CACNB2: variants seen among roughly 807,000 people sequenced by gnomAD.
The protein encoded by CACNB2 is calcium voltage-gated channel auxiliary subunit beta 2, also known as voltage-dependent L-type calcium channel subunit beta-2.
Under a neutral mutation model 73.3 loss-of-function variants are expected in CACNB2, and 42 were observed. The observed-to-expected ratio is 0.57, with a 90% CI of 0.45 to 0.74. The LOEUF (loss-of-function observed/expected upper bound fraction) is 0.74. CACNB2 is among the 30% of genes least tolerant of loss of function. The pLI is 0.00. For synonymous variants in CACNB2, 348 were observed against 310.3 expected, an observed-to-expected ratio of 1.12 and a Z score of -1.28; for missense variants, 940 against 853.0, an observed-to-expected ratio of 1.10 and a Z score of -1.27.
intron 2 of CACNB2, among the ~76,000 whole-genome samples, chr10:18,173,863 A>T (rs1428056112): frequency 1.3e-5 from 2 of 152,130 alleles, no homozygotes. Context: ...AAATGTTTAG[A>T]TTTTACGTTT....
chr10:18,346,751 C>A (rs866859732), intron 2 of CACNB2, among the ~76,000 whole-genome samples: 24 of 152,060 alleles, frequency 1.6e-4, no homozygotes, highest in African/African-American at 5.6e-4. Flanking sequence ...CATGTGCCAC[C>A]GCGCCTGGCT....
chr10:18,410,502 T>G (rs567762557), intron 3 of CACNB2, among the ~76,000 whole-genome samples: 26 of 134,268 alleles, frequency 1.9e-4, no homozygotes, highest in African/African-American at 8.9e-4. Context: ...CTGAAGATAG[T>G]TTATTTCAAA....
intron 2 of CACNB2, among the ~76,000 whole-genome samples, chr10:18,349,903 C>T (rs1050236638): frequency 1.2e-4 from 19 of 152,066 alleles, no homozygotes; most frequent in East Asian, 7.7e-4. Context: ...GTATTGCGCA[C>T]GTATGTTGCA....
intron 2 of CACNB2, among the ~76,000 whole-genome samples, chr10:18,262,785 T>C (rs192175588): frequency 4.6e-5 from 7 of 152,344 alleles, no homozygotes; most frequent in African/African-American, 9.6e-5. Context: ...TGTGTGCCTA[T>C]TGAATACAAA....
Position 18,140,808 on chromosome 10 carries a change from A to C in CACNB2, c.72A>C (p.Glu24Asp). 2 of 1,604,446 alleles carry C rather than the reference A, an allele frequency of 1.2e-6. No homozygotes were observed. The highest frequency in any genetic ancestry group is 1.7e-6 in the Non-Finnish European group (2 of 1,176,988). The change falls in exon 1 of 14, where the codon GAA becomes GAC. Residue 24 changes from glutamate (E) to aspartate (D), a missense_variant. Physicochemically the swap from Glu to Asp is conservative, Grantham distance 45. Transcript: ENST00000324631. ...AAAVAQEIQM[E>D]LLENVAPAGA... is the part of the protein sequence containing the mutation. ...CGGTGGCGCAGGAGATCCAGATGGA[A>C]CTGCTAGAGAACGTGGCTCCCGCGG...
At chr10:18,528,632 T>C (rs1362847252) in intron 10 of CACNB2, among the ~76,000 whole-genome samples, 2 of 152,214 alleles carry the variant, frequency 1.3e-5, no homozygotes, top group Non-Finnish European at 2.9e-5. Flanking sequence ...CTTTATATGT[T>C]AGCAATGAGC....
At chr10:18,528,296 G>A (rs2052675030) in intron 10 of CACNB2, among the ~76,000 whole-genome samples, 1 of 151,904 alleles carries the variant, frequency 6.6e-6, no homozygotes, top group African/African-American at 2.4e-5. Context: ...GAGTTATTGT[G>A]TTTACAGAGA....
At chr10:18,416,694 C>G (rs1564525050) in intron 3 of CACNB2, among the ~76,000 whole-genome samples, 2 of 152,132 alleles carry the variant, frequency 1.3e-5, no homozygotes, top group Non-Finnish European at 1.5e-5. Flanking sequence ...AAATCTTCAA[C>G]TTTTTTTCAA....
At chr10:18,382,005 C>G (rs117282185) in intron 2 of CACNB2, among the ~76,000 whole-genome samples, 4 of 151,976 alleles carry the variant, frequency 2.6e-5, no homozygotes, top group Non-Finnish European at 5.9e-5. Context: ...AAGGATTGAA[C>G]TTACATTAGA....
chr10:18,498,278 T>C (rs1473472150), intron 3 of CACNB2, 77 bp from the exon 4 acceptor site: 17 of 1,546,066 alleles, frequency 1.1e-5, no homozygotes, highest in Middle Eastern at 1.7e-4. Flanking sequence ...ATTCAGTATG[T>C]CTTTGTGTTT....
intron 3 of CACNB2, among the ~76,000 whole-genome samples, chr10:18,495,273 G>A (rs951546818): frequency 6.6e-5 from 10 of 150,820 alleles, no homozygotes; most frequent in Admixed American, 1.3e-4. Context: ...CTGGAGTGCA[G>A]TGGTGCAATG....
At chr10:18,454,369 G>T (rs76427790) in intron 3 of CACNB2, among the ~76,000 whole-genome samples, 3,463 of 152,222 alleles carry the variant, frequency 0.023, 147 homozygotes, top group African/African-American at 0.078. Context: ...CCCTTAAGGG[G>T]CCTTTTCTAG....
Position 18,482,294 on chromosome 10 carries a change from A to T in CACNB2, c.334-16061A>T, listed in dbSNP as rs79360953. Among the ~76,000 whole-genome samples the T allele has an allele frequency of 7.3e-3, 1,104 of 152,272 alleles. 5 individuals are homozygous for T. Among genetic ancestry groups the T allele is most frequent in the Non-Finnish European group, 0.012 (825 of 68,012 alleles). Reference sequence around the variant, plus strand: ...AATTAAGGCAGTTATTAATTATTACAGTCTAATAATGTCTGAAAAAAACAA... The same window carrying T: ...AATTAAGGCAGTTATTAATTATTACTGTCTAATAATGTCTGAAAAAAACAA... On this transcript the variant is annotated intron_variant, in intron 3 of 13. Transcript: ENST00000324631.
chr10:18,523,568 T>C (rs1315868461), intron 9 of CACNB2, among the ~76,000 whole-genome samples: 1 of 152,240 alleles, frequency 6.6e-6, no homozygotes, highest in Non-Finnish European at 1.5e-5. Context: ...GGGTTCTATA[T>C]TCTAGCCCTG....
chr10:18,265,551 T>C (rs2037758022), intron 2 of CACNB2, among the ~76,000 whole-genome samples: 2 of 152,230 alleles, frequency 1.3e-5, no homozygotes, highest in Admixed American at 6.5e-5. Flanking sequence ...AAGCATCTGG[T>C]GATTAGCATA....
At chr10:18,255,139 G>A (rs1229675539) in intron 2 of CACNB2, among the ~76,000 whole-genome samples, 1 of 152,086 alleles carries the variant, frequency 6.6e-6, no homozygotes, top group Non-Finnish European at 1.5e-5. Flanking sequence ...GCCTCTTGTG[G>A]GAAAGAAATC....
At chr10:18,357,896 A>G (rs890834853) in intron 2 of CACNB2, among the ~76,000 whole-genome samples, 5 of 152,158 alleles carry the variant, frequency 3.3e-5, no homozygotes, top group Admixed American at 1.3e-4. Context: ...TTGGGGACCC[A>G]TTAGTTTAGA....
intron 11 of CACNB2, among the ~76,000 whole-genome samples, chr10:18,534,648 GA>G (rs2053385593): frequency 6.6e-6 from 1 of 152,140 alleles, no homozygotes; most frequent in Admixed American, 6.5e-5. Flanking sequence ...AGTTTGAGGG[GA>G]AAAAAAGCCA....
At chr10:18,331,123 C>A (rs1315947489) in intron 2 of CACNB2, among the ~76,000 whole-genome samples, 1 of 151,702 alleles carries the variant, frequency 6.6e-6, no homozygotes, top group South Asian at 2.1e-4. Context: ...GTAGCTGGGA[C>A]TACAGGCGTG....
Sources: allele counts gnomAD v4.1 joint callset (sites outside exome capture counted in the v4.1 genomes callset), GRCh38; gene constraint gnomAD v4.1.1; transcripts MANE v1.5; gene names NCBI Gene and HGNC (gene_info 2026-07-23, HGNC 2026-07-21).